GTF3C2: variants seen among roughly 807,000 people sequenced by gnomAD.
GTF3C2 encodes the protein general transcription factor IIIC subunit 2, also known as general transcription factor 3C polypeptide 2.
GTF3C2 carries 17 observed loss-of-function variants against 117.4 expected under a neutral mutation model. That is an observed-to-expected ratio of 0.14 (90% confidence interval 0.10 to 0.22). The LOEUF (loss-of-function observed/expected upper bound fraction) is 0.22. GTF3C2 is among the 10% of genes least tolerant of loss of function. The probability of loss-of-function intolerance (pLI) is 1.00; values close to 1 mark genes in which losing one functional copy is unlikely to be tolerated. For synonymous variants in GTF3C2, 437 were observed against 427.0 expected, an observed-to-expected ratio of 1.02 and a Z score of -0.29; for missense variants, 888 against 1,143.6, an observed-to-expected ratio of 0.78 and a Z score of 3.22.
At chr2:27,351,608 A>T (rs1681143049) in intron 1 of GTF3C2, among the ~76,000 whole-genome samples, 1 of 152,216 alleles carries the variant, frequency 6.6e-6, no homozygotes, top group Non-Finnish European at 1.5e-5. Context: ...AATCTGCACC[A>T]GCAAATACAT....
exon 19 of GTF3C2, chr2:27,326,282 T>C (rs959730955): frequency 2.8e-5 from 13 of 472,056 alleles, no homozygotes; most frequent in Middle Eastern, 6.5e-4. Context: ...GGAGCCTTCA[T>C]GCAGATACCC....
intron 3 of GTF3C2, chr2:27,342,497 A>G (rs899281825): frequency 1.3e-4 from 70 of 544,320 alleles, no homozygotes; most frequent in African/African-American, 1.0e-3. Context: ...ATCCTACCAC[A>G]GTCAAAGAAC....
At chr2:27,355,709 AAAT>A (rs1374111809) in intron 1 of GTF3C2, among the ~76,000 whole-genome samples, 7 of 152,148 alleles carry the variant, frequency 4.6e-5, no homozygotes, top group African/African-American at 7.2e-5. Context: ...AGCCAAGAAA[AAAT>A]AATGACACAA....
In GTF3C2 at chr2:27,356,175, G is replaced by C. The variant is rs1008964264; in HGVS notation, c.-25+564C>G. 3 of 1,011,108 alleles carry C rather than the reference G, an allele frequency of 3.0e-6. No homozygotes were observed. The South Asian group carries it at 4.0e-5, about 13-fold the overall frequency. The allele number at this position is 1,011,108 out of a possible 1,614,324, so 62.6% of individuals were successfully genotyped here. A position where few individuals can be genotyped will look rare whatever the true frequency, so the allele number is the denominator to read the frequency against. On this transcript the variant is annotated intron_variant, in intron 1 of 18. Transcript: ENST00000264720. Reference sequence around the variant, plus strand: ...CCCCAACAGGCAGCCAACTTGCCACGGGACAAAAGGACTAGACAGGGAAAC... The same window carrying C: ...CCCCAACAGGCAGCCAACTTGCCACCGGACAAAAGGACTAGACAGGGAAAC...
intron 1 of GTF3C2, among the ~76,000 whole-genome samples, chr2:27,348,738 A>G (rs550746858): frequency 7.2e-4 from 109 of 152,340 alleles, no homozygotes; most frequent in South Asian, 2.5e-3. Flanking sequence ...TGGGAGGTGA[A>G]GCCAAGATCA....
At chr2:27,340,264 A>G (rs1326788090) in intron 4 of GTF3C2, 2 of 152,140 alleles carry the variant, frequency 1.3e-5, no homozygotes, top group East Asian at 1.9e-4. Flanking sequence ...CTTTTTTTAA[A>G]GACAGAGTCT....
At chr2:27,326,524 G>A (rs1680077632) in exon 19 of GTF3C2, 3 of 630,516 alleles carry the variant, frequency 4.8e-6, no homozygotes, top group Non-Finnish European at 8.6e-6. Context: ...TGTAGAAAGA[G>A]TGGGATCTAA....
chr2:27,345,536 C>T (rs548407671), intron 1 of GTF3C2, among the ~76,000 whole-genome samples: 9 of 149,922 alleles, frequency 6.0e-5, no homozygotes, highest in East Asian at 4.1e-4. Context: ...GAGGTTGCAG[C>T]GAGCCGAGAT....
chr2:27,340,207 AAAAG>A (rs904536368), intron 4 of GTF3C2: 1 of 152,040 alleles, frequency 6.6e-6, no homozygotes, highest in Non-Finnish European at 1.5e-5. Context: ...ACACAGAAAC[AAAAG>A]AATTACAAAA....
intron 8 of GTF3C2, 53 bp from the exon 9 acceptor site, chr2:27,336,081 T>G: frequency 5.7e-6 from 8 of 1,414,968 alleles, no homozygotes; most frequent in Non-Finnish European, 8.0e-6. Flanking sequence ...GACGCAGGGC[T>G]GCCAGAGGTA....
intron 12 of GTF3C2, among the ~76,000 whole-genome samples, chr2:27,332,650 G>C (rs1431346760): frequency 6.6e-6 from 1 of 151,602 alleles, no homozygotes; most frequent in Non-Finnish European, 1.5e-5. Flanking sequence ...TCCTGACCTC[G>C]TGATCTGCCT....
rs923983818 is a variant in GTF3C2, at chr2:27,350,328, T to C, written c.-25+6411A>G. On this transcript the variant is annotated intron_variant, in intron 1 of 18. Coordinates refer to ENST00000264720, the Ensembl canonical transcript of GTF3C2. ...CCCAGACCTACCGAATCAGCAATTC[T>C]GGATGGGGCCAGCACCTTGTGTTTT... 2.1e-5 allele frequency: 17 copies of C among 813,140 alleles called. No individual in the cohort carries two copies. In the Admixed American group the frequency reaches 9.3e-4, roughly 45 times the overall value. 50.4% of individuals were successfully genotyped at this position (813,140 alleles called of 1,614,324 possible).
At position 27,329,229 on chromosome 2, in the gene GTF3C2, C is replaced by T; in HGVS notation, c.1931G>A (p.Arg644Gln). The T allele has an allele frequency of 6.2e-7, 1 of 1,614,114 alleles. No individual in the cohort carries two copies. ...AGAGTTTATGGGTTCGTAAGGACGT[C>T]GAAGGTCCCAGAATTTGATTTTCCG... is the stretch of plus-strand genomic sequence containing the variant. The change falls in exon 14 of 19, where the codon CGA becomes CAA. Residue 644 changes from arginine (R) to glutamine (Q), a missense_variant. Physicochemically the swap from Arg to Gln is conservative, Grantham distance 43 (BLOSUM62 1). Transcript: ENST00000264720. This position sits in a 1 kb window ranked among gnomAD's most constrained non-coding sequence, Gnocchi z 4.5.
chr2:27,346,007 G>A (rs988690107), intron 1 of GTF3C2, among the ~76,000 whole-genome samples: 1 of 143,152 alleles, frequency 7.0e-6, no homozygotes, highest in Non-Finnish European at 1.5e-5. Flanking sequence ...GAGCCACTGT[G>A]CCCCGCCACT....
chr2:27,326,586 C>T (rs1680078823), exon 19 of GTF3C2: 1 of 955,852 alleles, frequency 1.0e-6, no homozygotes, highest in African/African-American at 1.6e-5. Context: ...GATCACTGTC[C>T]AGGGAAGGCC....
intron 1 of GTF3C2, among the ~76,000 whole-genome samples, chr2:27,354,600 T>C (rs957832904): frequency 4.6e-5 from 7 of 151,816 alleles, no homozygotes; most frequent in African/African-American, 1.5e-4. Context: ...ACTAAAAATA[T>C]AAAAATTAGC....
At chr2:27,346,596 C>T (rs1429524234) in intron 1 of GTF3C2, among the ~76,000 whole-genome samples, 2 of 151,910 alleles carry the variant, frequency 1.3e-5, no homozygotes, top group African/African-American at 4.8e-5. Context: ...CATACTCAAA[C>T]TCCTGGACTC....
At chr2:27,345,547 C>T (rs1161113204) in intron 1 of GTF3C2, among the ~76,000 whole-genome samples, 1 of 151,576 alleles carries the variant, frequency 6.6e-6, no homozygotes, top group Non-Finnish European at 1.5e-5. Context: ...GAGCCGAGAT[C>T]ATGCCACCGT....
intron 12 of GTF3C2, among the ~76,000 whole-genome samples, chr2:27,331,182 G>A (rs574008861): frequency 6.6e-6 from 1 of 152,182 alleles, no homozygotes; most frequent in Admixed American, 6.5e-5. Flanking sequence ...TAAGAAAGCA[G>A]AACAGCATCG....
Sources: allele counts gnomAD v4.1 joint callset (sites outside exome capture counted in the v4.1 genomes callset), GRCh38; gene constraint gnomAD v4.1.1; non-coding constraint Gnocchi (gnomAD v3.1); transcripts MANE v1.5; gene names NCBI Gene and HGNC (gene_info 2026-07-23, HGNC 2026-07-21).